Variants in TCEA1 observed in about 807,000 individuals in gnomAD.
TCEA1 encodes the protein transcription elongation factor A1.
A neutral mutation model predicts 43.8 loss-of-function variants in TCEA1; 21 were observed. The ratio of observed to expected loss-of-function variants is 0.48; its 90% confidence interval spans 0.34 to 0.69. The LOEUF (loss-of-function observed/expected upper bound fraction) is 0.69. Ranked by LOEUF, TCEA1 falls within the 30% of genes least tolerant of loss-of-function variation. The pLI is 0.01. For missense variants in TCEA1, 250 were observed against 365.1 expected (o/e 0.68, Z 2.57); for synonymous variants, 104 against 117.5 (o/e 0.88, Z 0.75).
chr8:54,007,110 G>A (rs1804492170), intron 2 of TCEA1, among the ~76,000 whole-genome samples: 1 of 152,116 alleles, frequency 6.6e-6, no homozygotes, highest in African/African-American at 2.4e-5. Flanking sequence ...CCAAAGTGCT[G>A]GAATTACAGG....
In TCEA1 at chr8:53,988,213, G is replaced by A. The variant is rs776875502; in HGVS notation, c.367C>T (p.Arg123Ter). 4 of 1,613,428 alleles carry A rather than the reference G, an allele frequency of 2.5e-6. No homozygotes were observed. Among genetic ancestry groups the A allele is most frequent in the Non-Finnish European group, 1.7e-6 (2 of 1,179,686 alleles). The change falls in exon 5 of 10, where the codon CGA (arginine) becomes TGA (stop). Residue 123 changes from arginine to a stop codon, truncating the protein, a stop_gained. Transcript: ENST00000521604. LOFTEE classifies it high-confidence loss of function. ...GGAAAGGATGAAACATAAGTATCTCGAGCATTTGTCTCATCCTTTCTGTTG... is the reference window on the plus strand; with the variant it reads ...GGAAAGGATGAAACATAAGTATCTCAAGCATTTGTCTCATCCTTTCTGTTG... ...VSNRKDETNA[R>*]DTYVSSFPRA...
In TCEA1 at chr8:53,985,532, G is replaced by C. The variant is rs181897074; in HGVS notation, c.524-1015C>G. Reference sequence around the variant, plus strand: ...AGGGTCTCTGAGAAGAGACCATTCAGCATGGCCGTGAGGGTTCCTCTCCTC... The same window carrying C: ...AGGGTCTCTGAGAAGAGACCATTCACCATGGCCGTGAGGGTTCCTCTCCTC... On this transcript the variant is annotated intron_variant, in intron 6 of 9. Transcript: ENST00000521604. 1.9e-3 allele frequency among the ~76,000 whole-genome samples: 290 copies of C among 152,246 alleles called. 1 individual carries two copies. Among genetic ancestry groups the C allele is most frequent in the African/African-American group, 6.6e-3 (273 of 41,534 alleles).
At chr8:53,978,779 T>C (rs1803412947) in intron 8 of TCEA1, 1 of 379,702 alleles carries the variant, frequency 2.6e-6, no homozygotes, top group Non-Finnish European at 4.7e-6. Context: ...TAAGTTATTA[T>C]TGTTAATCTC....
At position 53,996,903 on chromosome 8, in the gene TCEA1, C is replaced by CTTTTTTTTTTTTTTTTTTT. The variant is rs754537318; in HGVS notation, c.232+3041_232+3042insAAAAAAAAAAAAAAAAAAA. 7.5e-4 allele frequency among the ~76,000 whole-genome samples: 88 copies of CTTTTTTTTTTTTTTTTTTT among 116,580 alleles called. 15 individuals carry two copies. Among genetic ancestry groups the CTTTTTTTTTTTTTTTTTTT allele is most frequent in the African/African-American group, 2.2e-3 (58 of 26,724 alleles). 76.5% of individuals were successfully genotyped at this position (116,580 alleles called of 152,430 possible). A position where few individuals can be genotyped will look rare whatever the true frequency, so the allele number is the denominator to read the frequency against. ...AGCTAAGGGGTAAAAAGAAGGTTGTCTTTTTTTTTTTTTTTAGACAGACTC... is the reference window on the plus strand; with the variant it reads ...AGCTAAGGGGTAAAAAGAAGGTTGTCTTTTTTTTTTTTTTTTTTTTTTTTTTTTTTTTTTAGACAGACTC... On this transcript the variant is annotated intron_variant, in intron 3 of 9. Transcript: ENST00000521604.
At chr8:54,016,284 G>A (rs553778545) in intron 1 of TCEA1, among the ~76,000 whole-genome samples, 1 of 152,152 alleles carries the variant, frequency 6.6e-6, no homozygotes, top group East Asian at 1.9e-4. Context: ...AGACCATCCT[G>A]GCTAATACAG....
At chr8:54,014,238 C>T (rs1260081095) in intron 1 of TCEA1, among the ~76,000 whole-genome samples, 1 of 152,156 alleles carries the variant, frequency 6.6e-6, no homozygotes, top group African/African-American at 2.4e-5. Context: ...TGGCAGCACT[C>T]CTTTGTGAAT....
At chr8:54,012,320 G>A (rs1446406456) in intron 1 of TCEA1, among the ~76,000 whole-genome samples, 1 of 152,198 alleles carries the variant, frequency 6.6e-6, no homozygotes, top group East Asian at 1.9e-4. Flanking sequence ...CCAACACTTT[G>A]GGAGGCCGAG....
intron 2 of TCEA1, among the ~76,000 whole-genome samples, chr8:54,004,538 T>C (rs116949144): frequency 1.3e-5 from 2 of 152,338 alleles, no homozygotes; most frequent in East Asian, 3.9e-4. Flanking sequence ...GGTCAGATAC[T>C]GTATGATTCC....
intron 8 of TCEA1, chr8:53,974,107 G>C (rs1175162876): frequency 3.2e-5 from 5 of 154,740 alleles, no homozygotes; most frequent in Non-Finnish European, 7.3e-5. Flanking sequence ...AACCAGGGAG[G>C]TGGGGGTTTC....
rs970426702 is a variant in TCEA1, at chr8:53,988,358, T to C, written c.321-99A>G. ...GTAAAAACAAAATTTGGGGTCTAAATAAATGACACAGTATCTCAGTGACCT... is the reference window on the plus strand; with the variant it reads ...GTAAAAACAAAATTTGGGGTCTAAACAAATGACACAGTATCTCAGTGACCT... On this transcript the variant is annotated intron_variant, in intron 4 of 9. Coordinates refer to ENST00000521604, the MANE Select transcript of TCEA1 (RefSeq NM_006756.4). The C allele has an allele frequency of 4.3e-5, 61 of 1,409,656 alleles. 1 individual carries two copies. In the Admixed American group the frequency reaches 1.3e-3, roughly 30 times the overall value. 87.3% of individuals were successfully genotyped at this position (1,409,656 alleles called of 1,614,324 possible).
intron 2 of TCEA1, chr8:54,002,802 A>C (rs932360603): frequency 4.6e-6 from 2 of 433,762 alleles, no homozygotes; most frequent in Non-Finnish European, 9.2e-6. Context: ...TTCAGGACAA[A>C]CTATACATCG....
intron 2 of TCEA1, among the ~76,000 whole-genome samples, chr8:54,003,299 G>A (rs1388159444): frequency 6.6e-6 from 1 of 152,096 alleles, no homozygotes; most frequent in Non-Finnish European, 1.5e-5. Flanking sequence ...TAATCAAGTC[G>A]AACTACTGAC....
intron 1 of TCEA1, among the ~76,000 whole-genome samples, chr8:54,014,112 G>C (rs918111067): frequency 6.6e-6 from 1 of 152,048 alleles, no homozygotes; most frequent in East Asian, 1.9e-4. Flanking sequence ...ACAAAAAAAA[G>C]AAACTTAAAC....
At chr8:54,007,142 AGAG>A (rs1376860711) in intron 2 of TCEA1, among the ~76,000 whole-genome samples, 2 of 152,022 alleles carry the variant, frequency 1.3e-5, no homozygotes, top group South Asian at 2.1e-4. Flanking sequence ...TGGTCGGCCT[AGAG>A]GAGGAGTTCT....
chr8:54,014,509 G>C (rs369076759), intron 1 of TCEA1, among the ~76,000 whole-genome samples: 10 of 152,164 alleles, frequency 6.6e-5, no homozygotes, highest in African/African-American at 2.4e-4. Context: ...ATCTCCTACA[G>C]ATGATGCAAG....
chr8:54,019,775 T>C (rs536860762), intron 1 of TCEA1, among the ~76,000 whole-genome samples: 32 of 152,260 alleles, frequency 2.1e-4, no homozygotes, highest in Non-Finnish European at 3.2e-4. Context: ...ATTCTGACCA[T>C]TTCTCTTTCT....
intron 2 of TCEA1, among the ~76,000 whole-genome samples, chr8:54,001,166 A>C (rs1051545170): frequency 1.3e-5 from 2 of 152,230 alleles, no homozygotes; most frequent in East Asian, 1.9e-4. Flanking sequence ...TGACAGCCCA[A>C]ATATGGATGA....
At chr8:53,998,548 C>T (rs143353044) in intron 3 of TCEA1, among the ~76,000 whole-genome samples, 6 of 152,254 alleles carry the variant, frequency 3.9e-5, no homozygotes, top group Admixed American at 6.5e-5. Context: ...TGGCCCACAA[C>T]AGTAATTTTT....
intron 3 of TCEA1, 65 bp downstream of exon 3, chr8:53,999,880 G>A: frequency 9.0e-7 from 1 of 1,112,922 alleles, no homozygotes; most frequent in South Asian, 1.4e-5. Flanking sequence ...ACCATAAAAT[G>A]TAACCATTAA....
Sources: gnomAD v4.1 joint callset for allele counts (sites outside exome capture counted in the v4.1 genomes callset) on GRCh38, gnomAD v4.1.1 for gene constraint, MANE v1.5 for transcripts, NCBI Gene and HGNC (gene_info 2026-07-23, HGNC 2026-07-21) for gene names.